Variants in UTRN observed in about 807,000 individuals in gnomAD.
UTRN encodes the protein utrophin.
A neutral mutation model predicts 463.9 loss-of-function variants in UTRN; 283 were observed. The ratio of observed to expected loss-of-function variants is 0.61; its 90% CI spans 0.55 to 0.67. The LOEUF (loss-of-function observed/expected upper bound fraction) is 0.67, where lower values mean the gene tolerates loss of function less well. Ranked by LOEUF, UTRN falls within the 30% of genes least tolerant of loss-of-function variation. The probability of loss-of-function intolerance (pLI) is 0.00; values close to 1 mark genes in which losing one functional copy is unlikely to be tolerated. For missense variants in UTRN, 3,922 were observed against 4,084.3 expected, an observed-to-expected ratio of 0.96 and a Z score of 1.08; for synonymous variants, 1,442 against 1,431.5, an observed-to-expected ratio of 1.01 and a Z score of -0.17.
At chr6:144,512,137 T>C (rs1388734781) in intron 35 of UTRN, among the ~76,000 whole-genome samples, 1 of 152,162 alleles carries the variant, frequency 6.6e-6, no homozygotes, top group Non-Finnish European at 1.5e-5. Flanking sequence ...TAAATTTCCA[T>C]ATATACAGAA....
chr6:144,296,270 C>G (rs1584172930), intron 2 of UTRN, among the ~76,000 whole-genome samples: 2 of 152,334 alleles, frequency 1.3e-5, no homozygotes, highest in Admixed American at 1.3e-4. Context: ...GCATTAGATT[C>G]TCATAGGAGT....
intron 2 of UTRN, among the ~76,000 whole-genome samples, chr6:144,292,301 T>C (rs1021470529): frequency 2.0e-5 from 3 of 152,242 alleles, no homozygotes; most frequent in African/African-American, 7.2e-5. Context: ...TTCATTACCA[T>C]ATATCCTCAC....
chr6:144,795,446 C>T (rs1387861727), intron 63 of UTRN, among the ~76,000 whole-genome samples: 5 of 152,340 alleles, frequency 3.3e-5, no homozygotes, highest in Admixed American at 6.5e-5. Context: ...GGAATTGCCA[C>T]GCTGTCTTCC....
chr6:144,287,800 C>T (rs1191622894), intron 1 of UTRN, among the ~76,000 whole-genome samples: 2 of 152,156 alleles, frequency 1.3e-5, no homozygotes, highest in African/African-American at 4.8e-5. Context: ...TCAGTAAGAA[C>T]ATCTGGCTTT....
At chr6:144,287,868 T>A (rs1196804108) in intron 1 of UTRN, among the ~76,000 whole-genome samples, 1 of 152,178 alleles carries the variant, frequency 6.6e-6, no homozygotes, top group Non-Finnish European at 1.5e-5. Context: ...TAAATTGCAT[T>A]TGTATAGGGC....
At chr6:144,765,302 T>C (rs543898309) in intron 58 of UTRN, among the ~76,000 whole-genome samples, 3 of 152,352 alleles carry the variant, frequency 2.0e-5, no homozygotes, top group South Asian at 2.1e-4. Context: ...CTAGTAGTCA[T>C]ACATGCAATA....
intron 2 of UTRN, among the ~76,000 whole-genome samples, chr6:144,328,315 T>C (rs142459363): frequency 1.3e-5 from 2 of 152,256 alleles, no homozygotes; most frequent in African/African-American, 4.8e-5. Flanking sequence ...TTATCTAGCA[T>C]CTTAACAAAG....
intron 52 of UTRN, among the ~76,000 whole-genome samples, chr6:144,699,544 G>A (rs116535933): frequency 0.018 from 2,207 of 119,970 alleles, 51 homozygotes; most frequent in African/African-American, 0.064. Flanking sequence ...CTTAAATGGC[G>A]TAAAAATAGC....
chr6:144,732,239 C>CACATATATATATAT (rs1562832398), intron 54 of UTRN, among the ~76,000 whole-genome samples: 1 of 116,062 alleles, frequency 8.6e-6, no homozygotes, highest in African/African-American at 3.3e-5. Flanking sequence ...TATATATATA[C>CACATATATATATAT]ATATATATAT....
At chr6:144,427,801 T>A (rs938418768) in intron 7 of UTRN, among the ~76,000 whole-genome samples, 8 of 152,226 alleles carry the variant, frequency 5.3e-5, no homozygotes, top group African/African-American at 1.7e-4. Context: ...GGGGTGCCTT[T>A]TATGTGCTAG....
chr6:144,542,647 A>G (rs1018920563), intron 45 of UTRN, 148 bp from the exon 46 acceptor site: 6 of 702,726 alleles, frequency 8.5e-6, no homozygotes, highest in South Asian at 1.9e-5. Flanking sequence ...CAAGATTGCA[A>G]TGGAGAGTGA....
At chr6:144,432,597 C>T (rs987358838) in intron 9 of UTRN, among the ~76,000 whole-genome samples, 3 of 151,592 alleles carry the variant, frequency 2.0e-5, no homozygotes, top group Admixed American at 6.6e-5. Flanking sequence ...AGTAAAGACA[C>T]TTGTTAGCAG....
chr6:144,500,126 C>T (rs1399836021), intron 34 of UTRN, among the ~76,000 whole-genome samples: 1 of 152,118 alleles, frequency 6.6e-6, no homozygotes, highest in Non-Finnish European at 1.5e-5. Context: ...TGCCTATATA[C>T]CCAGTAATCA....
intron 53 of UTRN, among the ~76,000 whole-genome samples, chr6:144,727,542 A>G (rs1475124958): frequency 6.6e-6 from 1 of 151,542 alleles, no homozygotes; most frequent in Non-Finnish European, 1.5e-5. Context: ...GCGGATCACA[A>G]GGTCAGGAGA....
chr6:144,682,765 A>G (rs1782340391), intron 52 of UTRN, among the ~76,000 whole-genome samples: 1 of 152,222 alleles, frequency 6.6e-6, no homozygotes. Flanking sequence ...AAATTAAAAT[A>G]GCATGTTTGT....
intron 2 of UTRN, among the ~76,000 whole-genome samples, chr6:144,332,394 T>A (rs978378229): frequency 2.0e-5 from 3 of 152,106 alleles, no homozygotes; most frequent in African/African-American, 7.2e-5. Context: ...AAAGGCGGAG[T>A]CACTTAAAAG....
Position 144,561,204 on chromosome 6 carries a change from A to ATT in UTRN, c.7289+3894_7289+3895dup, listed in dbSNP as rs1158797972. Among the ~76,000 whole-genome samples, 37 of 88,664 alleles carry ATT rather than the reference A, an allele frequency of 4.2e-4. 1 individual carries two copies. Among genetic ancestry groups the ATT allele is most frequent in the African/African-American group, 1.5e-3 (34 of 23,112 alleles). 58.2% of individuals were successfully genotyped at this position (88,664 alleles called of 152,430 possible). A position where few individuals can be genotyped will look rare whatever the true frequency, so the allele number is the denominator to read the frequency against. On this transcript the variant is annotated intron_variant, in intron 50 of 74. Coordinates refer to ENST00000367545, the MANE Select transcript of UTRN (RefSeq NM_007124.3). ...TTTGGCACTCCAGGGCAAAAATAACATTATATATATATATATATATATATA... is the reference window on the plus strand; with the variant it reads ...TTTGGCACTCCAGGGCAAAAATAACATTTTATATATATATATATATATATATA...
At chr6:144,339,662 A>G (rs1458126071) in intron 2 of UTRN, among the ~76,000 whole-genome samples, 3 of 152,208 alleles carry the variant, frequency 2.0e-5, no homozygotes, top group Admixed American at 1.3e-4. Flanking sequence ...AGTATCATTC[A>G]TGATGCTTTT....
chr6:144,566,261 A>T (rs987053108), intron 50 of UTRN, among the ~76,000 whole-genome samples: 1 of 152,178 alleles, frequency 6.6e-6, no homozygotes, highest in Non-Finnish European at 1.5e-5. Flanking sequence ...AAGTTGGAAG[A>T]GAGAGGATTG....
Sources: allele counts gnomAD v4.1 joint callset (sites outside exome capture counted in the v4.1 genomes callset), GRCh38; gene constraint gnomAD v4.1.1; transcripts MANE v1.5; gene names NCBI Gene and HGNC (gene_info 2026-07-23, HGNC 2026-07-21).